The following PTPRN2 variants were observed in gnomAD, a reference collection of about 807,000 sequenced individuals.
PTPRN2 encodes the protein protein tyrosine phosphatase receptor type N2.
PTPRN2 carries 74 observed loss-of-function variants against 118.8 expected under a neutral mutation model. The observed-to-expected ratio is 0.62, with a 90% CI of 0.52 to 0.76. The LOEUF (loss-of-function observed/expected upper bound fraction) is 0.76, where lower values mean the gene tolerates loss of function less well. Among genes scored for constraint, PTPRN2 ranks in the 30% least tolerant of loss-of-function variants. The pLI, the probability that PTPRN2 is intolerant of heterozygous loss-of-function variation, is 0.00. For synonymous variants in PTPRN2, 641 were observed against 608.0 expected, an observed-to-expected ratio of 1.05 and a Z score of -0.80; for missense variants, 1,481 against 1,394.4, an observed-to-expected ratio of 1.06 and a Z score of -0.99.
At chr7:157,950,232 C>T (rs920854393) in intron 11 of PTPRN2, among the ~76,000 whole-genome samples, 9 of 152,142 alleles carry the variant, frequency 5.9e-5, no homozygotes, top group African/African-American at 2.2e-4. Context: ...GGGAAAGGGT[C>T]CAATTGTCTC....
intron 3 of PTPRN2, among the ~76,000 whole-genome samples, chr7:158,315,972 G>A (rs113961232): frequency 6.6e-6 from 1 of 152,256 alleles, no homozygotes; most frequent in Non-Finnish European, 1.5e-5. Context: ...TGGCAGAGTT[G>A]GAGGTGATGC....
At chr7:157,719,819 T>G (rs1428180055) in intron 12 of PTPRN2, among the ~76,000 whole-genome samples, 1 of 152,264 alleles carries the variant, frequency 6.6e-6, no homozygotes, top group Non-Finnish European at 1.5e-5. Context: ...CTCATTAATT[T>G]ACAGTCTAAG....
chr7:158,018,966 CAAA>C (rs753498681), intron 11 of PTPRN2, among the ~76,000 whole-genome samples: 90 of 65,834 alleles, frequency 1.4e-3, no homozygotes, highest in Non-Finnish European at 2.1e-3. Context: ...GTTTCAAAAA[CAAA>C]AAAAAAAAAA....
chr7:157,550,097 C>T lies in PTPRN2; in HGVS notation c.2903-1078G>A, dbSNP rs1798519277. 6.6e-6 allele frequency among the ~76,000 whole-genome samples: 1 copy of T among 152,222 alleles called. No individual in the cohort carries two copies. ...GGCCCAGAGTCAGGTGGTCCCCAGG[C>T]CTTTCTCTCCGGCCGCAACCTGAGT... On this transcript the variant is annotated intron_variant, in intron 21 of 22. Coordinates refer to ENST00000389418, the MANE Select transcript of PTPRN2 (RefSeq NM_002847.5). The surrounding 1 kb of genome is among the most constrained non-coding windows in gnomAD (Gnocchi z 5.2).
intron 17 of PTPRN2, among the ~76,000 whole-genome samples, chr7:157,586,356 G>A (rs1800675027): frequency 6.6e-6 from 1 of 152,172 alleles, no homozygotes; most frequent in Non-Finnish European, 1.5e-5. Context: ...GAGATCCACA[G>A]ACGGTTCCCT....
chr7:157,843,124 C>G (rs1200962623), intron 12 of PTPRN2, among the ~76,000 whole-genome samples: 1 of 152,202 alleles, frequency 6.6e-6, no homozygotes, highest in Admixed American at 6.5e-5. Context: ...CAATACTTTA[C>G]ACAGAAAATT....
intron 11 of PTPRN2, among the ~76,000 whole-genome samples, chr7:157,945,222 C>T (rs1006769553): frequency 6.6e-6 from 1 of 152,152 alleles, no homozygotes; most frequent in Non-Finnish European, 1.5e-5. Flanking sequence ...GCCAGAGTGA[C>T]CTCATGAGCC....
At chr7:157,636,260 C>T (rs1215954594) in intron 14 of PTPRN2, among the ~76,000 whole-genome samples, 1 of 152,168 alleles carries the variant, frequency 6.6e-6, no homozygotes, top group Non-Finnish European at 1.5e-5. Flanking sequence ...AATGCAATTT[C>T]CATAGCTTCC....
At chr7:158,144,629 A>G (rs1000273721) in intron 6 of PTPRN2, among the ~76,000 whole-genome samples, 1 of 152,088 alleles carries the variant, frequency 6.6e-6, no homozygotes, top group Admixed American at 6.5e-5. Context: ...ATAGAGCGAG[A>G]GAAGGGGAAG....
chr7:157,940,041 G>T (rs926581579), intron 11 of PTPRN2, among the ~76,000 whole-genome samples: 1 of 152,180 alleles, frequency 6.6e-6, no homozygotes, highest in Non-Finnish European at 1.5e-5. Context: ...GGAAGGCGTC[G>T]CTGCATGGGC....
rs1216216776 is a variant in PTPRN2 at position 157,615,395 on chromosome 7, C to T, written c.2344+5967G>A. ...GCTCCCTAACCTCCTTCAGCCCCAG[C>T]TCTGTCCCTGTGTGAATCTCAGGGC... On this transcript the variant is annotated intron_variant, in intron 15 of 22. Transcript: ENST00000389418. The surrounding 1 kb of genome is among the most constrained non-coding windows in gnomAD (Gnocchi z 4.3). 2.6e-5 allele frequency: 12 copies of T among 469,170 alleles called. No homozygotes were observed. Among genetic ancestry groups the T allele is most frequent in the Non-Finnish European group, 4.9e-5 (11 of 225,840 alleles). 29.1% of individuals were successfully genotyped at this position (469,170 alleles called of 1,614,324 possible).
chr7:157,820,558 A>G (rs1047083394), intron 12 of PTPRN2, among the ~76,000 whole-genome samples: 2 of 151,262 alleles, frequency 1.3e-5, no homozygotes, highest in South Asian at 2.1e-4. Flanking sequence ...ACACACACGC[A>G]CACACACTCA....
chr7:158,392,446 C>G (rs1046779036), intron 2 of PTPRN2, among the ~76,000 whole-genome samples: 1 of 152,202 alleles, frequency 6.6e-6, no homozygotes, highest in Non-Finnish European at 1.5e-5. Context: ...GCACACCCAG[C>G]GTTGTCTGGG....
At chr7:158,044,884 G>A (rs1053743430) in intron 11 of PTPRN2, among the ~76,000 whole-genome samples, 1 of 152,210 alleles carries the variant, frequency 6.6e-6, no homozygotes, top group Non-Finnish European at 1.5e-5. Context: ...AGCACCTGGA[G>A]GACACCAGGA....
intron 3 of PTPRN2, among the ~76,000 whole-genome samples, chr7:158,297,930 A>G (rs890388814): frequency 6.6e-6 from 1 of 152,234 alleles, no homozygotes; most frequent in Non-Finnish European, 1.5e-5. Context: ...ATGAATATAG[A>G]CTAACTCAAG....
intron 2 of PTPRN2, among the ~76,000 whole-genome samples, chr7:158,417,471 GTAC>G (rs1341039925): frequency 2.0e-5 from 3 of 150,974 alleles, no homozygotes; most frequent in Non-Finnish European, 2.9e-5. Context: ...TTGTCATGGT[GTAC>G]TACATCGAGA....
intron 3 of PTPRN2, among the ~76,000 whole-genome samples, chr7:158,281,045 T>C (rs1255150303): frequency 6.6e-6 from 1 of 152,248 alleles, no homozygotes; most frequent in African/African-American, 2.4e-5. Context: ...GGCTCACGCC[T>C]CTAATCCCAC....
intron 3 of PTPRN2, among the ~76,000 whole-genome samples, chr7:158,308,578 A>G (rs1264043988): frequency 1.3e-5 from 2 of 152,158 alleles, no homozygotes; most frequent in African/African-American, 4.8e-5. Context: ...TTTCATGACA[A>G]TAACAGCACA....
intron 9 of PTPRN2, among the ~76,000 whole-genome samples, chr7:158,130,668 C>T (rs535410457): frequency 2.0e-5 from 3 of 148,088 alleles, no homozygotes; most frequent in African/African-American, 7.7e-5. Flanking sequence ...GACTCATACA[C>T]ACACACGTAC....
Sources: allele counts gnomAD v4.1 joint callset (sites outside exome capture counted in the v4.1 genomes callset), GRCh38; gene constraint gnomAD v4.1.1; non-coding constraint Gnocchi (gnomAD v3.1); transcripts MANE v1.5; gene names NCBI Gene and HGNC (gene_info 2026-07-23, HGNC 2026-07-21).